SIK2: variants seen among roughly 807,000 people sequenced by gnomAD.
SIK2 encodes serine/threonine-protein kinase SIK2.
Under a neutral mutation model 103.2 loss-of-function variants are expected in SIK2, and 29 were observed. The observed-to-expected ratio is 0.28, with a 90% CI of 0.21 to 0.38. SIK2 has a LOEUF of 0.38. Ranked by LOEUF, SIK2 falls within the 10% of genes least tolerant of loss-of-function variation. SIK2 has a pLI of 1.00. For missense variants in SIK2, 879 were observed against 1,171.0 expected, an observed-to-expected ratio of 0.75 and a Z score of 3.64; for synonymous variants, 412 against 446.1, an observed-to-expected ratio of 0.92 and a Z score of 0.96.
chr11:111,645,836 A>G (rs1942248526), intron 3 of SIK2, among the ~76,000 whole-genome samples: 1 of 151,824 alleles, frequency 6.6e-6, no homozygotes, highest in Admixed American at 6.6e-5. Context: ...AGCAACTACC[A>G]TAAAATCAGA....
Position 111,723,727 on chromosome 11 carries a change from G to A in SIK2, c.2379G>A (p.Gln793=). ...EQMQYSPFLS[Q]YQEMQLQPLP... is the part of the protein sequence containing the mutation. ...TGCAATACAGCCCTTTCCTCAGCCA[G>A]TACCAAGAGATGCAGCTTCAGCCCC... is the stretch of plus-strand genomic sequence containing the variant. Residue 793 remains glutamine (Q), a synonymous_variant, in exon 15 of 15, where the codon CAG becomes CAA. Transcript: ENST00000304987. 6.2e-7 allele frequency: 1 copy of A among 1,614,076 alleles called. No individual in the cohort carries two copies. The highest frequency in any genetic ancestry group is 2.2e-5 in the East Asian group (1 of 44,874).
chr11:111,627,769 G>C (rs780453821), intron 3 of SIK2, among the ~76,000 whole-genome samples: 1 of 152,140 alleles, frequency 6.6e-6, no homozygotes, highest in Admixed American at 6.5e-5. Context: ...TGTGCTGGGA[G>C]GGTGTTATGT....
intron 8 of SIK2, among the ~76,000 whole-genome samples, chr11:111,711,577 T>C (rs1240874152): frequency 1.3e-5 from 2 of 152,222 alleles, no homozygotes; most frequent in Non-Finnish European, 2.9e-5. Context: ...AGTAAGCTTC[T>C]CTCCTTCCAC....
chr11:111,719,574 G>A (rs1485002723), intron 9 of SIK2, among the ~76,000 whole-genome samples: 2 of 152,204 alleles, frequency 1.3e-5, no homozygotes, highest in East Asian at 3.9e-4. Flanking sequence ...GGTCATCATG[G>A]GCTTCTGTCT....
intron 4 of SIK2, among the ~76,000 whole-genome samples, chr11:111,697,113 GTAGT>G (rs1293676009): frequency 1.3e-5 from 2 of 152,228 alleles, no homozygotes; most frequent in Non-Finnish European, 2.9e-5. Flanking sequence ...AAGGCTCGAA[GTAGT>G]TAAACTTGGT....
In SIK2 at chr11:111,713,233, G is replaced by C. The variant is rs113859138; in HGVS notation, c.1266+858G>C. Among the ~76,000 whole-genome samples the C allele has an allele frequency of 4.5e-3, 688 of 152,268 alleles. 3 individuals are homozygous for C. Among genetic ancestry groups the C allele is most frequent in the African/African-American group, 0.015 (644 of 41,552 alleles). ...TGAAGTTGGCATTTAGGATACAGAA[G>C]ATGACAGCTTCTCTCATTCATAGAT... On this transcript the variant is annotated intron_variant, in intron 9 of 14. Transcript: ENST00000304987.
intron 7 of SIK2, 83 bp downstream of exon 7, chr11:111,703,506 G>A (rs1943265673): frequency 4.0e-6 from 5 of 1,242,954 alleles, no homozygotes; most frequent in South Asian, 1.3e-5. Flanking sequence ...TGGTCTTTTA[G>A]CACATGTATC....
chr11:111,723,814 G>T lies in SIK2; in HGVS notation c.2466G>T (p.Gln822His). The change falls in exon 15 of 15, where the codon CAG becomes CAT. Residue 822 changes from glutamine (Q) to histidine (H), a missense_variant. Coordinates refer to ENST00000304987, the MANE Select transcript of SIK2 (RefSeq NM_015191.3). ...PPLPTQLQQQ[Q>H]PPPPPPPPPP... ...TGCCCACGCAGCTACAGCAGCAGCA[G>T]CCGCCACCGCCACCACCCCCTCCAC... 3.7e-6 allele frequency: 6 copies of T among 1,612,668 alleles called. No individual in the cohort carries two copies. The highest frequency in any genetic ancestry group is 5.1e-6 in the Non-Finnish European group (6 of 1,179,824).
At position 111,723,550 on chromosome 11, in the gene SIK2, T is replaced by G; in HGVS notation, c.2202T>G (p.Phe734Leu). The G allele has an allele frequency of 6.2e-7, 1 of 1,614,212 alleles. No individual in the cohort carries two copies. The highest frequency in any genetic ancestry group is 8.5e-7 in the Non-Finnish European group (1 of 1,180,032). Residue 734 changes from phenylalanine (F) to leucine (L), a missense_variant, in exon 15 of 15, where the codon TTT (phenylalanine) becomes TTG (leucine). Phe to Leu is a conservative substitution (Grantham distance 22). Around this residue, in one of 7 missense-constraint regions of SIK2, gnomAD observed 375 missense variants for 416.3 expected, o/e 0.90. Coordinates refer to ENST00000304987, the MANE Select transcript of SIK2 (RefSeq NM_015191.3). ...LQKQSQLQAY[F>L]NQMQIAESSY... ...AGCAGTCTCAACTGCAGGCCTATTT[T>G]AATCAGATGCAGATAGCAGAGAGCT...
intron 1 of SIK2, among the ~76,000 whole-genome samples, chr11:111,603,561 C>T (rs900424858): frequency 6.6e-6 from 1 of 152,116 alleles, no homozygotes; most frequent in Admixed American, 6.5e-5. Flanking sequence ...TTCTAATGCA[C>T]CGCACATACT....
At chr11:111,637,277 A>G (rs1423973260) in intron 3 of SIK2, among the ~76,000 whole-genome samples, 1 of 151,406 alleles carries the variant, frequency 6.6e-6, no homozygotes, top group Non-Finnish European at 1.5e-5. Flanking sequence ...TTTTAAAATA[A>G]CACTCTTTTT....
chr11:111,653,835 C>CAAA (rs1942358517), intron 3 of SIK2, among the ~76,000 whole-genome samples: 1 of 152,222 alleles, frequency 6.6e-6, no homozygotes, highest in Non-Finnish European at 1.5e-5. Context: ...TTAGCTTTTT[C>CAAA]CCTTCTCAGA....
At position 111,701,650 on chromosome 11, in the gene SIK2, C is replaced by CT. The variant is rs1486854977; in HGVS notation, c.727+82dup. 1 of 1,530,698 alleles carries CT rather than the reference C, an allele frequency of 6.5e-7. No individual in the cohort carries two copies. The highest frequency in any genetic ancestry group is 1.4e-5 in the African/African-American group (1 of 71,986). 94.8% of individuals were successfully genotyped at this position (1,530,698 alleles called of 1,614,324 possible). On this transcript the variant is annotated intron_variant, in intron 6 of 14. Transcript: ENST00000304987. This position sits in a 1 kb window ranked among gnomAD's most constrained non-coding sequence, Gnocchi z 4.2. ...AAGTGAAATGCCTAGGTAAAAGCTTCTTTTTTTCTAAGAGTTTGGGTGCCA... is the reference window on the plus strand; with the variant it reads ...AAGTGAAATGCCTAGGTAAAAGCTTCTTTTTTTTCTAAGAGTTTGGGTGCCA...
At chr11:111,655,040 A>C (rs1784782) in intron 3 of SIK2, among the ~76,000 whole-genome samples, 92,115 of 152,138 alleles carry the variant, frequency 0.61, 31,159 homozygotes, top group East Asian at 0.96. Flanking sequence ...TTCTACAATG[A>C]AGCAATTTGT....
intron 14 of SIK2, 83 bp from the exon 15 acceptor site, chr11:111,723,413 C>A: frequency 7.1e-7 from 1 of 1,402,196 alleles, no homozygotes; most frequent in Non-Finnish European, 9.7e-7. Context: ...AAGACTGAAG[C>A]TAGTGACTGG....
At chr11:111,660,170 C>A (rs1193462880) in intron 3 of SIK2, among the ~76,000 whole-genome samples, 5 of 151,952 alleles carry the variant, frequency 3.3e-5, no homozygotes, top group African/African-American at 9.7e-5. Flanking sequence ...ATTTCTATAC[C>A]CATCACTGGC....
intron 4 of SIK2, among the ~76,000 whole-genome samples, chr11:111,699,692 T>C (rs1248358684): frequency 6.6e-6 from 1 of 152,232 alleles, no homozygotes; most frequent in Non-Finnish European, 1.5e-5. Context: ...GAGAATGCTT[T>C]GCCTAAGGTG....
intron 3 of SIK2, among the ~76,000 whole-genome samples, chr11:111,651,428 G>A (rs956965906): frequency 6.6e-6 from 1 of 152,042 alleles, no homozygotes; most frequent in Non-Finnish European, 1.5e-5. Flanking sequence ...AACTAATGCC[G>A]GAACAAAAAG....
chr11:111,603,094 G>A (rs1941606272), intron 1 of SIK2, among the ~76,000 whole-genome samples: 1 of 152,148 alleles, frequency 6.6e-6, no homozygotes, highest in Non-Finnish European at 1.5e-5. Context: ...GGAAGTCTCG[G>A]TGTTCCCAGG....
Sources: gnomAD v4.1 joint callset for allele counts (sites outside exome capture counted in the v4.1 genomes callset) on GRCh38, gnomAD v4.1.1 for gene constraint, gnomAD v4.1.1 regional missense constraint, Gnocchi (gnomAD v3.1) non-coding constraint, MANE v1.5 for transcripts, NCBI Gene and HGNC (gene_info 2026-07-23, HGNC 2026-07-21) for gene names.